Variants in GLIS3 observed in about 807,000 individuals in gnomAD.
GLIS3 encodes zinc finger protein GLIS3.
GLIS3 carries 53 observed loss-of-function variants against 78.6 expected under a neutral mutation model. That is an observed-to-expected ratio of 0.67 (90% CI 0.54 to 0.85). The LOEUF (loss-of-function observed/expected upper bound fraction) is 0.85. Ranked by LOEUF, GLIS3 falls within the 40% of genes least tolerant of loss-of-function variation. GLIS3 has a pLI of 0.00. For missense variants in GLIS3, 1,703 were observed against 1,231.1 expected (o/e 1.38, Z -5.74); for synonymous variants, 684 against 509.9 (o/e 1.34, Z -4.60).
At chr9:4,446,632 C>T in the GLIS3 span, among the ~76,000 whole-genome samples, 1 of 150,624 alleles carries the variant, frequency 6.6e-6, no homozygotes, top group Non-Finnish European at 1.5e-5. Context: ...GCCTCAGCCT[C>T]CTAAGTAGTT....
chr9:4,034,526 C>T (rs902549504), intron 4 of GLIS3: 7 of 152,176 alleles, frequency 4.6e-5, no homozygotes, highest in African/African-American at 1.7e-4. Context: ...AATTCACTGA[C>T]CCTTCAGGGA....
chr9:4,409,843 G>C, the GLIS3 span, among the ~76,000 whole-genome samples: 2 of 152,226 alleles, frequency 1.3e-5, no homozygotes, highest in African/African-American at 2.4e-5. Context: ...TTATTGGCTA[G>C]TTCCAATTTC....
chr9:4,184,427 C>A lies in GLIS3; in HGVS notation c.389-58486G>T, dbSNP rs190402411. ...TTTTCCCAGCAGCTGTATTCGAATACCCCCACTTCAAAGGGAGACATTTGC... is the reference window on the plus strand; with the variant it reads ...TTTTCCCAGCAGCTGTATTCGAATAACCCCACTTCAAAGGGAGACATTTGC... On this transcript the variant is annotated intron_variant, in intron 2 of 10. Transcript: ENST00000381971. Among the ~76,000 whole-genome samples, 20 of 152,288 alleles carry A rather than the reference C, an allele frequency of 1.3e-4. No individual in the cohort carries two copies. In the East Asian group the frequency reaches 2.3e-3, roughly 18 times the overall value.
rs1421845631 is a variant in GLIS3 at position 3,976,667 on chromosome 9, C to CA, written c.1711-39479dup. Reference sequence around the variant, plus strand: ...CAAGAGTAACATCACCATAAGGCTGCAAGAGCCAGAAGTGAAGAATAAGCT... The same window carrying CA: ...CAAGAGTAACATCACCATAAGGCTGCAAAGAGCCAGAAGTGAAGAATAAGCT... On this transcript the variant is annotated intron_variant, in intron 4 of 10. Transcript: ENST00000381971. Among the ~76,000 whole-genome samples the CA allele has an allele frequency of 2.0e-5, 3 of 151,468 alleles. No homozygotes were observed. In the East Asian group the frequency reaches 5.8e-4, roughly 29 times the overall value.
intron 2 of GLIS3, among the ~76,000 whole-genome samples, chr9:4,166,931 G>A (rs1815896554): frequency 6.6e-6 from 1 of 152,126 alleles, no homozygotes; most frequent in South Asian, 2.1e-4. Flanking sequence ...ACTAAACCAA[G>A]GTTAAAAACA....
the GLIS3 span, among the ~76,000 whole-genome samples, chr9:4,435,538 G>C: frequency 3.9e-5 from 6 of 152,156 alleles, no homozygotes; most frequent in African/African-American, 1.4e-4. Flanking sequence ...GTCCTTTGAT[G>C]TTAATTTTGT....
At chr9:4,339,390 T>C (rs2130580790) in intron 2 of GLIS3, among the ~76,000 whole-genome samples, 1 of 152,310 alleles carries the variant, frequency 6.6e-6, no homozygotes, top group Non-Finnish European at 1.5e-5. Flanking sequence ...TACTTTTTAA[T>C]TTGCTCCTGT....
intron 4 of GLIS3, among the ~76,000 whole-genome samples, chr9:3,950,613 G>C (rs750636379): frequency 9.2e-5 from 14 of 152,186 alleles, no homozygotes; most frequent in Admixed American, 7.2e-4. Context: ...TCACAGCTTA[G>C]TTGAAATATT....
At chr9:4,338,945 G>C (rs1817795455) in intron 2 of GLIS3, among the ~76,000 whole-genome samples, 1 of 152,052 alleles carries the variant, frequency 6.6e-6, no homozygotes, top group African/African-American at 2.4e-5. Context: ...TAACACACAA[G>C]GACACAAAGC....
chr9:4,011,084 T>C (rs1207657402), intron 4 of GLIS3, among the ~76,000 whole-genome samples: 1 of 152,198 alleles, frequency 6.6e-6, no homozygotes, highest in Non-Finnish European at 1.5e-5. Context: ...TTATTCCCCA[T>C]ACTTGTAGAA....
intron 4 of GLIS3, among the ~76,000 whole-genome samples, chr9:4,010,143 G>A (rs963845769): frequency 2.0e-5 from 3 of 152,146 alleles, no homozygotes; most frequent in African/African-American, 7.2e-5. Flanking sequence ...GGTGAGGGCA[G>A]GGGTAACAAG....
intron 2 of GLIS3, among the ~76,000 whole-genome samples, chr9:4,230,233 G>A (rs548632352): frequency 2.6e-5 from 4 of 152,154 alleles, no homozygotes; most frequent in South Asian, 2.1e-4. Flanking sequence ...TTAAAGGCCC[G>A]ATAAATCTCC....
chr9:4,089,719 T>A lies in GLIS3; in HGVS notation c.1710+28049A>T, dbSNP rs146131442. ...ATGTAATCTCAGCTACTTGGGAGGC[T>A]GAGGTGGGAGGATCGCTTGAGTCCA... On this transcript the variant is annotated intron_variant, in intron 4 of 10. Coordinates refer to ENST00000381971, the MANE Select transcript of GLIS3 (RefSeq NM_001042413.2). 8.4e-3 allele frequency among the ~76,000 whole-genome samples: 1,277 copies of A among 152,116 alleles called. 26 individuals are homozygous for A. The highest frequency in any genetic ancestry group is 0.028 in the African/African-American group (1,182 of 41,474).
intron 4 of GLIS3, among the ~76,000 whole-genome samples, chr9:4,024,623 T>C (rs956486565): frequency 6.6e-6 from 1 of 152,168 alleles, no homozygotes; most frequent in Non-Finnish European, 1.5e-5. Flanking sequence ...TCGCATAACA[T>C]AGGGAGTGCA....
At chr9:4,348,469 G>A (rs1291060782), upstream of GLIS3, 1 of 152,200 alleles carries the variant, frequency 6.6e-6, no homozygotes, top group Non-Finnish European at 1.5e-5. Flanking sequence ...CCCCCTTTAA[G>A]AAGTTTTTCT....
the GLIS3 span, among the ~76,000 whole-genome samples, chr9:4,370,901 C>T: frequency 0.35 from 53,329 of 151,664 alleles, 9,826 homozygotes; most frequent in Middle Eastern, 0.45. Context: ...CCTCAGAAGG[C>T]AAAAGATATC....
chr9:4,135,431 G>A (rs958177440), intron 2 of GLIS3, among the ~76,000 whole-genome samples: 37 of 151,952 alleles, frequency 2.4e-4, no homozygotes, highest in Non-Finnish European at 7.4e-5. Flanking sequence ...AATTCTAAAG[G>A]CAATGTGAGT....
Position 4,264,590 on chromosome 9 carries a change from TTTTTTTCTC to T in GLIS3, c.388+21439_388+21447del, listed in dbSNP as rs549437321. Among the ~76,000 whole-genome samples the T allele has an allele frequency of 2.8e-3, 419 of 152,214 alleles. 1 individual carries two copies. Among genetic ancestry groups the T allele is most frequent in the African/African-American group, 9.7e-3 (401 of 41,538 alleles). On this transcript the variant is annotated intron_variant, in intron 2 of 10. Transcript: ENST00000381971. The stretch of plus-strand genomic sequence containing the variant: ...TCAAATCAGGACATAATGCACTTGC[TTTTTTTCTC>T]TTCTGGGAACACTCTTCCTTAGGTC...
chr9:3,932,562 G>T, intron 5 of GLIS3, 92 bp from the exon 6 acceptor site: 1 of 908,692 alleles, frequency 1.1e-6, no homozygotes, highest in Non-Finnish European at 1.8e-6. Flanking sequence ...TTCAGAGCAT[G>T]AACTGTTACC....
Sources: gnomAD v4.1 joint callset for allele counts (sites outside exome capture counted in the v4.1 genomes callset) on GRCh38, gnomAD v4.1.1 for gene constraint, MANE v1.5 for transcripts, NCBI Gene and HGNC (gene_info 2026-07-23, HGNC 2026-07-21) for gene names.